Variants in PCCA observed in about 807,000 individuals in gnomAD.
The protein encoded by PCCA is propionyl-CoA carboxylase alpha chain, mitochondrial.
Under a neutral mutation model 101.3 loss-of-function variants are expected in PCCA, and 74 were observed. The observed-to-expected ratio is 0.73, with a 90% confidence interval of 0.61 to 0.89. The LOEUF (loss-of-function observed/expected upper bound fraction) is 0.89. Ranked by LOEUF, PCCA falls within the 40% of genes least tolerant of loss-of-function variation. The pLI, the probability that PCCA is intolerant of heterozygous loss-of-function variation, is 0.00. For synonymous variants in PCCA, 294 were observed against 313.6 expected, an observed-to-expected ratio of 0.94 and a Z score of 0.66; for missense variants, 891 against 907.0, an observed-to-expected ratio of 0.98 and a Z score of 0.23.
At chr13:100,166,399 A>C (rs1319187263) in intron 6 of PCCA, among the ~76,000 whole-genome samples, 3 of 152,148 alleles carry the variant, frequency 2.0e-5, no homozygotes, top group Non-Finnish European at 4.4e-5. Context: ...CCTGGGCTCA[A>C]GTAATTCTTG....
intron 4 of PCCA, among the ~76,000 whole-genome samples, chr13:100,127,012 G>A (rs2050020468): frequency 6.6e-6 from 1 of 152,304 alleles, no homozygotes; most frequent in East Asian, 1.9e-4. Context: ...GGTGCTGTGA[G>A]CTCAGCAGGT....
At chr13:100,497,613 A>T (rs1463038695) in intron 21 of PCCA, among the ~76,000 whole-genome samples, 1 of 152,160 alleles carries the variant, frequency 6.6e-6, no homozygotes, top group Non-Finnish European at 1.5e-5. Flanking sequence ...ATTCATGCCA[A>T]GTCATTTCCT....
chr13:100,188,164 A>G (rs1486494832), intron 6 of PCCA, among the ~76,000 whole-genome samples: 2 of 152,218 alleles, frequency 1.3e-5, no homozygotes, highest in African/African-American at 2.4e-5. Flanking sequence ...GTGGTGGCAC[A>G]TGCCTGTAAT....
intron 4 of PCCA, chr13:100,150,641 G>C: frequency 1.5e-6 from 2 of 1,292,598 alleles, no homozygotes; most frequent in Non-Finnish European, 2.2e-6. Context: ...GACTGATTTG[G>C]TGATCCATTA....
At chr13:100,461,029 A>T (rs1244240771) in intron 21 of PCCA, among the ~76,000 whole-genome samples, 1 of 152,228 alleles carries the variant, frequency 6.6e-6, no homozygotes, top group African/African-American at 2.4e-5. Context: ...ACCTGATCTC[A>T]TACTGGGACC....
chr13:100,410,573 G>T (rs1407023855), intron 19 of PCCA, among the ~76,000 whole-genome samples: 3 of 152,214 alleles, frequency 2.0e-5, no homozygotes, highest in Non-Finnish European at 4.4e-5. Context: ...ACACACAGTG[G>T]AGCTACTAGT....
chr13:100,151,084 G>T, intron 4 of PCCA: 1 of 1,510,998 alleles, frequency 6.6e-7, no homozygotes, highest in East Asian at 2.3e-5. Context: ...GGATGTACTC[G>T]TATGCACCCA....
intron 4 of PCCA, among the ~76,000 whole-genome samples, chr13:100,122,656 C>T (rs910834587): frequency 6.6e-6 from 1 of 152,138 alleles, no homozygotes. Flanking sequence ...AATGTCTCCT[C>T]TTTCATTCCT....
intron 2 of PCCA, among the ~76,000 whole-genome samples, chr13:100,106,471 C>T (rs2047803747): frequency 6.6e-6 from 1 of 152,098 alleles, no homozygotes; most frequent in Non-Finnish European, 1.5e-5. Context: ...AGTGCAGTGG[C>T]ATGATCTTGG....
At chr13:100,382,252 G>A (rs189916691) in intron 19 of PCCA, among the ~76,000 whole-genome samples, 94 of 152,308 alleles carry the variant, frequency 6.2e-4, no homozygotes, top group African/African-American at 2.0e-3. Flanking sequence ...GGACAGAGGA[G>A]GGGTAGGTGA....
chr13:100,092,021 A>G (rs944081710), intron 1 of PCCA, among the ~76,000 whole-genome samples: 1 of 152,006 alleles, frequency 6.6e-6, no homozygotes, highest in Non-Finnish European at 1.5e-5. Flanking sequence ...CCTGGGTTCA[A>G]GTGATTCCCT....
intron 19 of PCCA, among the ~76,000 whole-genome samples, chr13:100,403,621 C>A (rs930669699): frequency 6.6e-6 from 1 of 152,184 alleles, no homozygotes; most frequent in East Asian, 1.9e-4. Context: ...AGGACTTTTT[C>A]TTGGTTTAGC....
intron 19 of PCCA, among the ~76,000 whole-genome samples, chr13:100,380,769 T>G (rs1358763131): frequency 6.6e-6 from 1 of 152,214 alleles, no homozygotes; most frequent in Non-Finnish European, 1.5e-5. Context: ...ATTAAAATGT[T>G]TGCTTCAAAG....
intron 21 of PCCA, among the ~76,000 whole-genome samples, chr13:100,458,108 C>T (rs1022511708): frequency 2.0e-5 from 3 of 152,108 alleles, no homozygotes; most frequent in African/African-American, 7.2e-5. Context: ...ATTCTGTCTA[C>T]TTTCAGTCCT....
At chr13:100,470,714 C>G (rs938987708) in intron 21 of PCCA, among the ~76,000 whole-genome samples, 1 of 151,998 alleles carries the variant, frequency 6.6e-6, no homozygotes, top group African/African-American at 2.4e-5. Context: ...ACTAGCTGGG[C>G]ATGGTGGCTT....
chr13:100,278,095 T>C (rs2063796958), intron 12 of PCCA, among the ~76,000 whole-genome samples: 1 of 152,218 alleles, frequency 6.6e-6, no homozygotes, highest in Admixed American at 6.5e-5. Flanking sequence ...TCTTTAGAAG[T>C]GACAGAATTT....
chr13:100,326,889 GTATGT>G (rs922241396), intron 16 of PCCA, among the ~76,000 whole-genome samples: 9 of 152,098 alleles, frequency 5.9e-5, no homozygotes, highest in Non-Finnish European at 1.3e-4. Context: ...TCAGTCAACA[GTATGT>G]TATTAGTATT....
chr13:100,390,872 T>C (rs1219274099), intron 19 of PCCA, among the ~76,000 whole-genome samples: 1 of 152,188 alleles, frequency 6.6e-6, no homozygotes, highest in Non-Finnish European at 1.5e-5. Context: ...TCTAAAGGCA[T>C]GGTCGTTAAG....
At chr13:100,404,638 C>G (rs1349310042) in intron 19 of PCCA, among the ~76,000 whole-genome samples, 1 of 152,172 alleles carries the variant, frequency 6.6e-6, no homozygotes, top group African/African-American at 2.4e-5. Flanking sequence ...AGAGCATCCT[C>G]TTTCCTTTCT....
Sources: gnomAD v4.1 joint callset for allele counts (sites outside exome capture counted in the v4.1 genomes callset) on GRCh38, gnomAD v4.1.1 for gene constraint, MANE v1.5 for transcripts, NCBI Gene and HGNC (gene_info 2026-07-23, HGNC 2026-07-21) for gene names.